The following SGK1 variants were observed in gnomAD, a reference collection of about 807,000 sequenced individuals.
The protein encoded by SGK1 is serum/glucocorticoid regulated kinase 1, also known as serine/threonine-protein kinase Sgk1.
A neutral mutation model predicts 64.2 loss-of-function variants in SGK1; 26 were observed. The observed-to-expected ratio is 0.40, with a 90% CI of 0.30 to 0.56. The LOEUF (loss-of-function observed/expected upper bound fraction) is 0.56. Ranked by LOEUF, SGK1 falls within the 20% of genes least tolerant of loss-of-function variation. The pLI is 0.38. For synonymous variants in SGK1, 265 were observed against 239.7 expected (o/e 1.11, Z -0.98); for missense variants, 519 against 645.6 (o/e 0.80, Z 2.12).
intron 2 of SGK1, among the ~76,000 whole-genome samples, chr6:134,234,342 G>T (rs1428624133): frequency 6.6e-6 from 1 of 152,194 alleles, no homozygotes; most frequent in Non-Finnish European, 1.5e-5. Context: ...GACAGAGGCT[G>T]CAGTGAGCCA....
intron 2 of SGK1, among the ~76,000 whole-genome samples, chr6:134,253,752 T>C (rs561959624): frequency 6.6e-6 from 1 of 152,282 alleles, no homozygotes; most frequent in Admixed American, 6.5e-5. Flanking sequence ...GCAGTAACCT[T>C]ATATTTAATT....
At chr6:134,174,836 A>T (rs1189833351) in intron 3 of SGK1, 1 of 1,613,630 alleles carries the variant, frequency 6.2e-7, no homozygotes. Context: ...GAAAGACGTT[A>T]GCGCTCAAAG....
chr6:134,299,508 A>C (rs1777413576), intron 1 of SGK1, among the ~76,000 whole-genome samples: 1 of 152,158 alleles, frequency 6.6e-6, no homozygotes, highest in Admixed American at 6.6e-5. Flanking sequence ...GCTTCCTGAG[A>C]GATCAGAGGT....
At chr6:134,175,328 T>C (rs2114643758) in intron 3 of SGK1, among the ~76,000 whole-genome samples, 1 of 151,998 alleles carries the variant, frequency 6.6e-6, no homozygotes, top group Non-Finnish European at 1.5e-5. Flanking sequence ...GCGGCCGGAC[T>C]CCCACCCTCC....
At chr6:134,253,002 G>A (rs913762339) in intron 2 of SGK1, among the ~76,000 whole-genome samples, 3 of 152,122 alleles carry the variant, frequency 2.0e-5, no homozygotes, top group Admixed American at 1.3e-4. Flanking sequence ...AGAAAGATCA[G>A]AAAAACTCAA....
intron 11 of SGK1, 23 bp from the exon 12 acceptor site, chr6:134,171,201 T>G: frequency 6.2e-7 from 1 of 1,611,848 alleles, no homozygotes; most frequent in Non-Finnish European, 8.5e-7. Flanking sequence ...GAAAATTACT[T>G]TAGACTTAAT....
Position 134,197,062 on chromosome 6 carries a change from A to G in SGK1, c.361+10294T>C, listed in dbSNP as rs1775605059. ...AGCCTGGACAACATGGTGAAACCCC[A>G]TCTCTACAAAAAACAAAAAAATTAG... is the stretch of plus-strand genomic sequence containing the variant. On this transcript the variant is annotated intron_variant, in intron 3 of 13. Transcript: ENST00000367858. Among the ~76,000 whole-genome samples the G allele has an allele frequency of 3.3e-5, 5 of 152,080 alleles. No homozygotes were observed. The South Asian group carries it at 1.0e-3, about 32-fold the overall frequency.
At chr6:134,203,413 G>A (rs1775718688) in intron 3 of SGK1, among the ~76,000 whole-genome samples, 1 of 152,100 alleles carries the variant, frequency 6.6e-6, no homozygotes, top group Admixed American at 6.6e-5. Flanking sequence ...AAACAAAGAA[G>A]AGAAGGGACA....
rs149556130 is a variant in SGK1, at chr6:134,274,992, C to T, written c.70-12844G>A. 5.8e-3 allele frequency among the ~76,000 whole-genome samples: 878 copies of T among 152,008 alleles called. 8 individuals are homozygous for T. The highest frequency in any genetic ancestry group is 0.019 in the African/African-American group (801 of 41,458). On this transcript the variant is annotated intron_variant, in intron 1 of 13. Coordinates refer to ENST00000367858, the MANE Select transcript of SGK1 (RefSeq NM_001143676.3). ...GCTAATTTTTGTATTTTAGTAGAGACGGGGTTTCACCGTGTTGACCAAGTT... is the reference window on the plus strand; with the variant it reads ...GCTAATTTTTGTATTTTAGTAGAGATGGGGTTTCACCGTGTTGACCAAGTT...
chr6:134,313,500 TG>T (rs1562282320), intron 1 of SGK1, among the ~76,000 whole-genome samples: 2 of 151,854 alleles, frequency 1.3e-5, no homozygotes, highest in East Asian at 3.9e-4. Flanking sequence ...GAAAAATGAA[TG>T]AATGAGGCAT....
At chr6:134,316,741 C>A (rs1349325964) in intron 1 of SGK1, among the ~76,000 whole-genome samples, 3 of 105,136 alleles carry the variant, frequency 2.9e-5, no homozygotes, top group Non-Finnish European at 5.6e-5. Context: ...ACTGCTCTCT[C>A]CCAAAAAAAA....
At chr6:134,254,127 T>TC (rs397886363) in intron 2 of SGK1, among the ~76,000 whole-genome samples, 3 of 128,422 alleles carry the variant, frequency 2.3e-5, no homozygotes, top group Non-Finnish European at 3.3e-5. Flanking sequence ...TTTTTTTTTT[T>TC]CAAAAAAAAA....
At chr6:134,316,743 C>CAAAAAA (rs141130901) in intron 1 of SGK1, among the ~76,000 whole-genome samples, 1 of 39,286 alleles carries the variant, frequency 2.5e-5, no homozygotes, top group Non-Finnish European at 4.4e-5. Flanking sequence ...TGCTCTCTCC[C>CAAAAAA]AAAAAAAAAA....
At chr6:134,210,293 A>T (rs1775867849) in intron 2 of SGK1, among the ~76,000 whole-genome samples, 1 of 152,232 alleles carries the variant, frequency 6.6e-6, no homozygotes, top group African/African-American at 2.4e-5. Flanking sequence ...AAGTGAAATT[A>T]GCCAGTCACA....
intron 3 of SGK1, among the ~76,000 whole-genome samples, chr6:134,176,346 T>C (rs1775233152): frequency 6.6e-6 from 1 of 152,206 alleles, no homozygotes; most frequent in Non-Finnish European, 1.5e-5. Flanking sequence ...GACTTTATCC[T>C]GAAAGATTAG....
chr6:134,172,865 C>T, intron 8 of SGK1, 91 bp from the exon 9 acceptor site: 1 of 1,207,424 alleles, frequency 8.3e-7, no homozygotes. Flanking sequence ...AGGAAGTGGC[C>T]CCAAGTAATC....
At chr6:134,215,976 A>G (rs766309623) in intron 2 of SGK1, among the ~76,000 whole-genome samples, 2 of 152,252 alleles carry the variant, frequency 1.3e-5, no homozygotes, top group Non-Finnish European at 2.9e-5. Flanking sequence ...AGATCGCGCC[A>G]CTGCACTCTA....
At chr6:134,218,403 C>T (rs186611555) in intron 2 of SGK1, among the ~76,000 whole-genome samples, 22 of 151,326 alleles carry the variant, frequency 1.5e-4, no homozygotes, top group African/African-American at 5.3e-4. Flanking sequence ...AGATCTTGCC[C>T]TCATGGAACT....
intron 2 of SGK1, among the ~76,000 whole-genome samples, chr6:134,232,993 A>T (rs1776313519): frequency 6.6e-6 from 1 of 151,318 alleles, no homozygotes; most frequent in Non-Finnish European, 1.5e-5. Context: ...TTAATATTAT[A>T]TTCATAATTT....
Sources: gnomAD v4.1 joint callset for allele counts (sites outside exome capture counted in the v4.1 genomes callset) on GRCh38, gnomAD v4.1.1 for gene constraint, MANE v1.5 for transcripts, NCBI Gene and HGNC (gene_info 2026-07-23, HGNC 2026-07-21) for gene names.